RYR2: variants seen among roughly 807,000 people sequenced by gnomAD.
RYR2 encodes the protein cardiac muscle ryanodine receptor-calcium release channel.
A neutral mutation model predicts 601.1 loss-of-function variants in RYR2; 227 were observed. The observed-to-expected ratio is 0.38, with a 90% confidence interval of 0.34 to 0.42. The LOEUF (loss-of-function observed/expected upper bound fraction) is 0.42. Among genes scored for constraint, RYR2 ranks in the 10% least tolerant of loss-of-function variants. The pLI, the probability that RYR2 is intolerant of heterozygous loss-of-function variation, is 1.00. For missense variants in RYR2, 4,646 were observed against 6,156.5 expected (o/e 0.75, Z 8.21); for synonymous variants, 2,223 against 2,175.1 (o/e 1.02, Z -0.61).
intron 43 of RYR2, 61 bp downstream of exon 43, chr1:237,633,771 A>G: frequency 6.7e-7 from 1 of 1,487,798 alleles, no homozygotes; most frequent in Non-Finnish European, 9.0e-7. Flanking sequence ...ACATTTAAAA[A>G]GCAAACGTTT....
chr1:237,374,685 C>G, intron 6 of RYR2, 32 bp from the exon 7 acceptor site: 1 of 1,556,640 alleles, frequency 6.4e-7, no homozygotes, highest in Non-Finnish European at 8.8e-7. Flanking sequence ...AACAAAACCT[C>G]TACTTACAAC....
intron 1 of RYR2, among the ~76,000 whole-genome samples, chr1:237,209,309 A>G (rs990856417): frequency 2.0e-5 from 3 of 151,988 alleles, no homozygotes; most frequent in South Asian, 2.1e-4. Context: ...AGCATAAAAT[A>G]TACATATATT....
intron 8 of RYR2, among the ~76,000 whole-genome samples, chr1:237,382,536 C>T (rs1049217607): frequency 2.3e-4 from 30 of 129,444 alleles, no homozygotes; most frequent in Non-Finnish European, 4.2e-4. Context: ...CTCCCCCCAC[C>T]CCACAACAGG....
chr1:237,669,746 G>A (rs1159961410), intron 58 of RYR2, among the ~76,000 whole-genome samples: 1 of 151,310 alleles, frequency 6.6e-6, no homozygotes, highest in East Asian at 2.0e-4. Flanking sequence ...CTGGGAAGAG[G>A]CGCTCCTCAC....
rs35563566 is a variant in RYR2, at chr1:237,801,833, A to ATTTT, written c.14091-14_14091-11dup. 211 of 1,366,098 alleles carry ATTTT rather than the reference A, an allele frequency of 1.5e-4. No individual in the cohort carries two copies. In the South Asian group the frequency reaches 1.8e-3, roughly 11 times the overall value. The allele number at this position is 1,366,098 out of a possible 1,614,324, so 84.6% of individuals were successfully genotyped here. Reference sequence around the variant, plus strand: ...CTTTGGTTAATGTGCATAACTACGCATTTTTTTTTTTTGTCATTGCAGACT... The same window carrying ATTTT: ...CTTTGGTTAATGTGCATAACTACGCATTTTTTTTTTTTTTTTGTCATTGCAGACT... On this transcript the variant is annotated intron_variant, in intron 97 of 104. Coordinates refer to ENST00000366574, the MANE Select transcript of RYR2 (RefSeq NM_001035.3).
At chr1:237,258,362 C>T (rs907026351) in intron 1 of RYR2, among the ~76,000 whole-genome samples, 1 of 151,684 alleles carries the variant, frequency 6.6e-6, no homozygotes, top group Non-Finnish European at 1.5e-5. Flanking sequence ...CCTCTATGGC[C>T]AGAGTGATGT....
intron 1 of RYR2, among the ~76,000 whole-genome samples, chr1:237,240,665 CAA>C (rs35984919): frequency 0.027 from 1,512 of 55,150 alleles, 5 homozygotes; most frequent in South Asian, 0.092. Flanking sequence ...CTATAAAAGC[CAA>C]AAAAAAAAAA....
chr1:237,548,510 G>C lies in RYR2; in HGVS notation c.2986G>C (p.Val996Leu). ...IKLTPSQEAM[V>L]DKLAENAHNV... is the part of the protein sequence containing the mutation. ...ACTCACCCCATCACAAGAAGCAATG[G>C]TGGACAAGTTGGCAGAAAATGCACA... Residue 996 changes from valine (V) to leucine (L), a missense_variant, in exon 26 of 105, where the codon GTG becomes CTG. Val to Leu is a conservative substitution (Grantham distance 32). This residue lies in a region of RYR2 where 1,807 missense variants were observed against 2,088.1 expected (regional missense o/e 0.87). Coordinates refer to ENST00000366574, the MANE Select transcript of RYR2 (RefSeq NM_001035.3). 6.2e-7 allele frequency: 1 copy of C among 1,614,034 alleles called. No individual in the cohort carries two copies. The highest frequency in any genetic ancestry group is 1.7e-5 in the Admixed American group (1 of 60,010).
intron 80 of RYR2, among the ~76,000 whole-genome samples, chr1:237,748,927 G>A (rs1692309071): frequency 6.6e-6 from 1 of 152,136 alleles, no homozygotes; most frequent in African/African-American, 2.4e-5. Context: ...CATTTACATT[G>A]TGTATTAAGT....
In RYR2 at chr1:237,828,308, TG is replaced by T. The variant is rs554460933; in HGVS notation, c.14591-67del. 1.6e-4 allele frequency: 176 copies of T among 1,077,422 alleles called. No homozygotes were observed. The African/African-American group carries it at 2.4e-3, about 15-fold the overall frequency. The allele number at this position is 1,077,422 out of a possible 1,614,324, so 66.7% of individuals were successfully genotyped here. A position where few individuals can be genotyped will look rare whatever the true frequency, so the allele number is the denominator to read the frequency against. ...GGTAGTTGTACATCTCCCCTTTCCC[TG>T]GGGGGATTAGCCAAGGAACTGAATT... On this transcript the variant is annotated intron_variant, in intron 101 of 104. Transcript: ENST00000366574.
intron 35 of RYR2, among the ~76,000 whole-genome samples, chr1:237,605,562 G>T (rs927521617): frequency 6.6e-6 from 1 of 152,118 alleles, no homozygotes; most frequent in Non-Finnish European, 1.5e-5. Context: ...GAAAGTTCTG[G>T]CCAGAGCAAT....
chr1:237,563,188 A>C (rs1214422207), intron 27 of RYR2, among the ~76,000 whole-genome samples: 1 of 152,112 alleles, frequency 6.6e-6, no homozygotes, highest in Non-Finnish European at 1.5e-5. Flanking sequence ...CTGGTGGATC[A>C]CCTGAGGCTC....
chr1:237,585,856 TG>T (rs1188253710), intron 29 of RYR2, among the ~76,000 whole-genome samples: 1 of 152,134 alleles, frequency 6.6e-6, no homozygotes, highest in African/African-American at 2.4e-5. Flanking sequence ...AATGCAAAAA[TG>T]GGGTGTATTT....
intron 4 of RYR2, among the ~76,000 whole-genome samples, chr1:237,356,601 A>G (rs1699318165): frequency 6.6e-6 from 1 of 152,108 alleles, no homozygotes; most frequent in Non-Finnish European, 1.5e-5. Flanking sequence ...ATGACCATGT[A>G]GAAAAACGCA....
intron 77 of RYR2, among the ~76,000 whole-genome samples, chr1:237,731,775 A>G (rs1226779439): frequency 6.6e-6 from 1 of 152,136 alleles, no homozygotes. Flanking sequence ...TTACATTTAT[A>G]TATGTTATAG....
intron 47 of RYR2, among the ~76,000 whole-genome samples, chr1:237,643,021 C>T (rs1034773092): frequency 3.9e-5 from 6 of 152,134 alleles, no homozygotes; most frequent in African/African-American, 1.4e-4. Context: ...CTTTCATAAA[C>T]ACGTCAGATT....
chr1:237,697,699 T>C (rs1052281672), intron 63 of RYR2, among the ~76,000 whole-genome samples: 3 of 151,184 alleles, frequency 2.0e-5, no homozygotes, highest in Admixed American at 6.6e-5. Flanking sequence ...TGAGAGTGCC[T>C]GGTTTTAATC....
chr1:237,234,716 T>C (rs1490918072), intron 1 of RYR2, among the ~76,000 whole-genome samples: 1 of 152,194 alleles, frequency 6.6e-6, no homozygotes, highest in Non-Finnish European at 1.5e-5. Flanking sequence ...TGTAGATAGT[T>C]GATAAATTTT....
intron 34 of RYR2, among the ~76,000 whole-genome samples, chr1:237,596,088 A>T (rs1310705347): frequency 6.6e-6 from 1 of 152,190 alleles, no homozygotes; most frequent in African/African-American, 2.4e-5. Context: ...AAGTTGGAAG[A>T]AGCTACTGTT....
Sources: allele counts gnomAD v4.1 joint callset (sites outside exome capture counted in the v4.1 genomes callset), GRCh38; gene constraint gnomAD v4.1.1; regional missense constraint gnomAD v4.1.1; transcripts MANE v1.5; gene names NCBI Gene and HGNC (gene_info 2026-07-23, HGNC 2026-07-21).